CDH12: variants seen among roughly 807,000 people sequenced by gnomAD.
The protein encoded by CDH12 is cadherin 12, also known as cadherin-12.
In CDH12, 41 loss-of-function variants were observed where a neutral mutation model predicts 74.1. That is an observed-to-expected ratio of 0.55 (90% CI 0.43 to 0.72). The LOEUF is 0.72. Ranked by LOEUF, CDH12 falls within the 30% of genes least tolerant of loss-of-function variation. CDH12 has a pLI of 0.00. For synonymous variants in CDH12, 399 were observed against 355.0 expected (o/e 1.12, Z -1.39); for missense variants, 945 against 977.2 (o/e 0.97, Z 0.44).
intron 5 of CDH12, among the ~76,000 whole-genome samples, chr5:22,052,289 T>C (rs1157526423): frequency 1.3e-5 from 2 of 152,182 alleles, no homozygotes; most frequent in African/African-American, 4.8e-5. Context: ...GGGAGTTTTG[T>C]TGCTGTTTTA....
intron 1 of CDH12, among the ~76,000 whole-genome samples, chr5:22,539,638 T>C (rs1036033726): frequency 2.0e-5 from 3 of 152,246 alleles, no homozygotes; most frequent in Middle Eastern, 3.4e-3. Context: ...TAAATCAAGA[T>C]ACAGAAAAGT....
chr5:22,822,880 T>A (rs1749783488), intron 1 of CDH12, among the ~76,000 whole-genome samples: 1 of 152,176 alleles, frequency 6.6e-6, no homozygotes, highest in Admixed American at 6.5e-5. Context: ...ATCCGATTCC[T>A]GGGTATATAC....
At chr5:21,835,958 G>T (rs1435266844) in intron 8 of CDH12, among the ~76,000 whole-genome samples, 1 of 151,542 alleles carries the variant, frequency 6.6e-6, no homozygotes, top group Non-Finnish European at 1.5e-5. Flanking sequence ...TACAGGAGAA[G>T]AAAAAACATA....
At chr5:22,117,448 A>AATATATATATTATATATAAT (rs1745188108) in intron 4 of CDH12, among the ~76,000 whole-genome samples, 3 of 89,912 alleles carry the variant, frequency 3.3e-5, no homozygotes, top group African/African-American at 1.4e-4. Context: ...ATATATATAT[A>AATATATATATTATATATAAT]ATATATATAT....
At chr5:22,768,757 C>G (rs1372670) in intron 1 of CDH12, among the ~76,000 whole-genome samples, 72,519 of 151,754 alleles carry the variant, frequency 0.48, 17,452 homozygotes, top group East Asian at 0.55. Flanking sequence ...ATATTCTTTG[C>G]ACCTCATTTT....
intron 4 of CDH12, among the ~76,000 whole-genome samples, chr5:22,141,972 G>A (rs576624110): frequency 1.1e-4 from 17 of 152,078 alleles, no homozygotes; most frequent in Non-Finnish European, 2.1e-4. Flanking sequence ...AGAGTTGTAC[G>A]GCCATAGGGT....
At chr5:22,159,508 C>T (rs1423895648) in intron 4 of CDH12, among the ~76,000 whole-genome samples, 1 of 152,136 alleles carries the variant, frequency 6.6e-6, no homozygotes, top group African/African-American at 2.4e-5. Flanking sequence ...TTATAGCTTA[C>T]ATGGTTCAGA....
At chr5:22,480,826 A>C (rs1321291565) in intron 2 of CDH12, among the ~76,000 whole-genome samples, 1 of 152,154 alleles carries the variant, frequency 6.6e-6, no homozygotes, top group African/African-American at 2.4e-5. Flanking sequence ...AGGGTTTTTA[A>C]AAGTTTATTC....
At chr5:21,824,812 C>T (rs916312517) in intron 8 of CDH12, among the ~76,000 whole-genome samples, 2 of 152,108 alleles carry the variant, frequency 1.3e-5, no homozygotes, top group Non-Finnish European at 2.9e-5. Context: ...ATCCTCTGCA[C>T]ATAATTTTCC....
chr5:22,778,377 C>T (rs1219207901), intron 1 of CDH12, among the ~76,000 whole-genome samples: 1 of 152,108 alleles, frequency 6.6e-6, no homozygotes, highest in African/African-American at 2.4e-5. Context: ...AGAAAATCTA[C>T]ATTTGCTACA....
At chr5:22,729,604 A>G (rs1744331386) in intron 1 of CDH12, among the ~76,000 whole-genome samples, 1 of 151,822 alleles carries the variant, frequency 6.6e-6, no homozygotes, top group Non-Finnish European at 1.5e-5. Flanking sequence ...TCTAGGAAGG[A>G]TTTGTTTCTC....
At chr5:21,860,147 A>T (rs1193721628) in intron 6 of CDH12, among the ~76,000 whole-genome samples, 1 of 152,084 alleles carries the variant, frequency 6.6e-6, no homozygotes, top group Non-Finnish European at 1.5e-5. Context: ...TGTAATTGTC[A>T]TGAATACTTT....
intron 1 of CDH12, among the ~76,000 whole-genome samples, chr5:22,750,818 G>A (rs925375364): frequency 3.3e-5 from 5 of 151,856 alleles, no homozygotes; most frequent in East Asian, 1.9e-4. Flanking sequence ...TTTGACACCC[G>A]GATAGGTGGC....
chr5:21,864,265 G>A (rs1751208617), intron 6 of CDH12, among the ~76,000 whole-genome samples: 2 of 152,052 alleles, frequency 1.3e-5, no homozygotes, highest in Non-Finnish European at 2.9e-5. Flanking sequence ...AACTGGTAAA[G>A]CACTACTCCT....
chr5:22,408,253 T>C (rs1415455668), intron 2 of CDH12, among the ~76,000 whole-genome samples: 2 of 135,966 alleles, frequency 1.5e-5, no homozygotes, highest in Admixed American at 1.5e-4. Context: ...AAATCATAGA[T>C]AGAGTTTCAG....
At chr5:22,451,564 T>G (rs1028100881) in intron 2 of CDH12, among the ~76,000 whole-genome samples, 74 of 151,842 alleles carry the variant, frequency 4.9e-4, no homozygotes, top group African/African-American at 1.7e-3. Flanking sequence ...GGAATGTACC[T>G]CAACATAATA....
intron 1 of CDH12, chr5:22,639,050 C>CAAAAAAAAAAAAAAAAA (rs545549665): frequency 1.6e-5 from 1 of 64,260 alleles, no homozygotes; most frequent in Non-Finnish European, 2.9e-5. Flanking sequence ...GAGTCCGCCT[C>CAAAAAAAAAAAAAAAAA]AAAAAAAAAA....
intron 3 of CDH12, among the ~76,000 whole-genome samples, chr5:22,342,581 T>A (rs1418559049): frequency 2.9e-5 from 3 of 102,206 alleles, no homozygotes; most frequent in Non-Finnish European, 6.1e-5. Context: ...CCTCCCTCCA[T>A]CCTTCCTTCC....
intron 1 of CDH12, among the ~76,000 whole-genome samples, chr5:22,510,374 A>T (rs2126670202): frequency 6.6e-6 from 1 of 152,210 alleles, no homozygotes; most frequent in African/African-American, 2.4e-5. Context: ...TGTTATAAAA[A>T]TATGGAAAAA....
Sources: allele counts gnomAD v4.1 joint callset (sites outside exome capture counted in the v4.1 genomes callset), GRCh38; gene constraint gnomAD v4.1.1; transcripts MANE v1.5; gene names NCBI Gene and HGNC (gene_info 2026-07-23, HGNC 2026-07-21).